ATP10A: variants seen among roughly 807,000 people sequenced by gnomAD.
ATP10A encodes the protein ATPase phospholipid transporting 10A (putative), also known as phospholipid-transporting ATPase VA.
Under a neutral mutation model 147.8 loss-of-function variants are expected in ATP10A, and 111 were observed. The ratio of observed to expected loss-of-function variants is 0.75; its 90% confidence interval spans 0.64 to 0.88. ATP10A has a LOEUF of 0.88. Among genes scored for constraint, ATP10A ranks in the 40% least tolerant of loss-of-function variants. ATP10A has a pLI of 0.00. For missense variants in ATP10A, 1,927 were observed against 1,959.0 expected (o/e 0.98, Z 0.31); for synonymous variants, 875 against 841.6 (o/e 1.04, Z -0.69).
At chr15:25,756,206 G>T (rs1200156534) in intron 2 of ATP10A, among the ~76,000 whole-genome samples, 1 of 152,188 alleles carries the variant, frequency 6.6e-6, no homozygotes, top group East Asian at 1.9e-4. Flanking sequence ...ATTGACAAAG[G>T]AAGGAGAGAA....
intron 1 of ATP10A, among the ~76,000 whole-genome samples, chr15:25,854,656 C>A (rs10873610): frequency 0.44 from 66,770 of 151,938 alleles, 17,117 homozygotes; most frequent in African/African-American, 0.71. Flanking sequence ...GTAATCTTTA[C>A]AACTCCGCAC....
intron 1 of ATP10A, among the ~76,000 whole-genome samples, chr15:25,791,373 A>G (rs1890416682): frequency 6.6e-6 from 1 of 150,400 alleles, no homozygotes. Flanking sequence ...CTTCTGATTT[A>G]TTTAGTTAGA....
chr15:25,852,831 G>A (rs993253381), intron 1 of ATP10A, among the ~76,000 whole-genome samples: 13 of 152,142 alleles, frequency 8.5e-5, no homozygotes, highest in African/African-American at 3.1e-4. Flanking sequence ...CCCTTGAGAA[G>A]GAGGGTATAT....
At chr15:25,808,983 G>A (rs923714241) in intron 1 of ATP10A, among the ~76,000 whole-genome samples, 3 of 152,170 alleles carry the variant, frequency 2.0e-5, no homozygotes, top group African/African-American at 4.8e-5. Flanking sequence ...GCGTGGCCAC[G>A]AGATGAAGGT....
intron 1 of ATP10A, among the ~76,000 whole-genome samples, chr15:25,840,140 C>G (rs141379834): frequency 6.6e-6 from 1 of 152,042 alleles, no homozygotes; most frequent in Non-Finnish European, 1.5e-5. Flanking sequence ...AATGGGATCA[C>G]GCAGCATATA....
intron 16 of ATP10A, chr15:25,683,694 C>T (rs1899553973): frequency 3.4e-6 from 2 of 580,826 alleles, no homozygotes; most frequent in African/African-American, 1.9e-5. Flanking sequence ...TCCTCACTCC[C>T]TTAAGAAAGA....
chr15:25,767,908 C>T (rs914577579), intron 2 of ATP10A, among the ~76,000 whole-genome samples: 1 of 152,250 alleles, frequency 6.6e-6, no homozygotes, highest in African/African-American at 2.4e-5. Flanking sequence ...ACGCATCTAA[C>T]ATGCCAACCT....
intron 1 of ATP10A, among the ~76,000 whole-genome samples, chr15:25,805,230 G>A (rs988176929): frequency 1.3e-5 from 2 of 152,202 alleles, no homozygotes; most frequent in African/African-American, 2.4e-5. Context: ...GTGACTCACT[G>A]TGTGCCAGGA....
At chr15:25,793,572 G>A (rs1890532697) in intron 1 of ATP10A, among the ~76,000 whole-genome samples, 1 of 152,216 alleles carries the variant, frequency 6.6e-6, no homozygotes, top group Non-Finnish European at 1.5e-5. Context: ...CGCTGGGTGT[G>A]AGTTCTGTTT....
chr15:25,840,521 T>C (rs1034674804), intron 1 of ATP10A, among the ~76,000 whole-genome samples: 5 of 152,182 alleles, frequency 3.3e-5, no homozygotes, highest in African/African-American at 1.2e-4. Context: ...TTCCACCGTA[T>C]GGAGGGATCA....
At chr15:25,673,175 G>A (rs73361117), downstream of ATP10A, among the ~76,000 whole-genome samples, 1,571 of 152,268 alleles carry the variant, frequency 0.01, 31 homozygotes, top group African/African-American at 0.036. Context: ...TCATTCCAAC[G>A]TGGAGGGTGG....
At chr15:25,850,704 C>T (rs1385329434) in intron 1 of ATP10A, among the ~76,000 whole-genome samples, 1 of 151,806 alleles carries the variant, frequency 6.6e-6, no homozygotes, top group South Asian at 2.1e-4. Flanking sequence ...GCCCACCACC[C>T]CCCAAGACCT....
At chr15:25,730,309 AAAAAAAAAAAAAAAAAAAAG>A (rs1391647659) in intron 3 of ATP10A, among the ~76,000 whole-genome samples, 319 of 6,060 alleles carry the variant, frequency 0.053, 4 homozygotes, top group South Asian at 0.1. Context: ...CTCAAAAAAA[AAAAAAAAAAAAAAAAAAAAG>A]AAGAAAGAAA....
chr15:25,725,420 T>C (rs185266244), intron 5 of ATP10A, among the ~76,000 whole-genome samples: 82 of 152,254 alleles, frequency 5.4e-4, no homozygotes, highest in Non-Finnish European at 1.0e-3. Flanking sequence ...GATTTTGTTA[T>C]AGAGGGGGAG....
intron 8 of ATP10A, among the ~76,000 whole-genome samples, chr15:25,717,415 G>A (rs1901889043): frequency 6.6e-6 from 1 of 152,170 alleles, no homozygotes; most frequent in Non-Finnish European, 1.5e-5. Context: ...ATCCTTGGCT[G>A]AATCGCTAAA....
chr15:25,708,076 G>C lies in ATP10A; in HGVS notation c.2475C>G (p.Cys825Trp). ...CGGCTTCTAGGTGGCTTTGCAACCA[G>C]CAGGCATACTCTTCTTTACTCAGAA... ...KRVLSKEEYA[C>W]WLQSHLEAES... The change falls in exon 12 of 21, where the codon TGC (cysteine) becomes TGG (tryptophan). Residue 825 changes from cysteine (C) to tryptophan (W), a missense_variant. By Grantham distance (215) the Cys-to-Trp change is radical (BLOSUM62 -2). Transcript: ENST00000555815. 1 of 1,614,160 alleles carries C rather than the reference G, an allele frequency of 6.2e-7. No individual in the cohort carries two copies. The highest frequency in any genetic ancestry group is 8.5e-7 in the Non-Finnish European group (1 of 1,180,044).
At chr15:25,778,384 T>G (rs762046692) in intron 2 of ATP10A, among the ~76,000 whole-genome samples, 1 of 152,032 alleles carries the variant, frequency 6.6e-6, no homozygotes, top group Non-Finnish European at 1.5e-5. Flanking sequence ...GGTTTAAAAG[T>G]CAAGAGACTT....
At chr15:25,731,590 C>CGGAAA (rs1021989913) in intron 3 of ATP10A, among the ~76,000 whole-genome samples, 15 of 152,160 alleles carry the variant, frequency 9.9e-5, no homozygotes, top group African/African-American at 3.6e-4. Context: ...GCCAGGCCTC[C>CGGAAA]ATTCCCAGGA....
intron 1 of ATP10A, among the ~76,000 whole-genome samples, chr15:25,782,720 C>A (rs545939022): frequency 6.6e-6 from 1 of 152,214 alleles, no homozygotes; most frequent in African/African-American, 2.4e-5. Flanking sequence ...ATTCTTTTTC[C>A]TGGAATAACA....
Sources: gnomAD v4.1 joint callset for allele counts (sites outside exome capture counted in the v4.1 genomes callset) on GRCh38, gnomAD v4.1.1 for gene constraint, MANE v1.5 for transcripts, NCBI Gene and HGNC (gene_info 2026-07-23, HGNC 2026-07-21) for gene names.